HS6ST3: variants seen among roughly 807,000 people sequenced by gnomAD.
HS6ST3 encodes heparan sulfate 6-O-sulfotransferase 3.
HS6ST3 carries 12 observed loss-of-function variants against 36.7 expected under a neutral mutation model. The observed-to-expected ratio is 0.33, with a 90% confidence interval of 0.21 to 0.53. The LOEUF (loss-of-function observed/expected upper bound fraction) is 0.53, where lower values mean the gene tolerates loss of function less well. HS6ST3 is among the 20% of genes least tolerant of loss of function. The pLI, the probability that HS6ST3 is intolerant of heterozygous loss-of-function variation, is 0.95. For synonymous variants in HS6ST3, 240 were observed against 257.5 expected (o/e 0.93, Z 0.65); for missense variants, 584 against 640.9 (o/e 0.91, Z 0.96).
chr13:96,629,058 T>C (rs529195482), intron 1 of HS6ST3, among the ~76,000 whole-genome samples: 6 of 152,300 alleles, frequency 3.9e-5, no homozygotes, highest in South Asian at 2.1e-4. Flanking sequence ...ATTTCATCTG[T>C]GTACTTGTTT....
At chr13:96,794,666 A>G (rs1028522946) in intron 1 of HS6ST3, among the ~76,000 whole-genome samples, 3 of 152,008 alleles carry the variant, frequency 2.0e-5, no homozygotes, top group African/African-American at 7.2e-5. Context: ...GATTTCTGAT[A>G]TGAACTTGAA....
At chr13:96,757,001 T>A (rs900584042) in intron 1 of HS6ST3, among the ~76,000 whole-genome samples, 2 of 152,214 alleles carry the variant, frequency 1.3e-5, no homozygotes, top group African/African-American at 4.8e-5. Flanking sequence ...TCTCCCAAGG[T>A]GACAAGGTCT....
At chr13:96,784,933 C>T (rs1877610256) in intron 1 of HS6ST3, among the ~76,000 whole-genome samples, 1 of 152,148 alleles carries the variant, frequency 6.6e-6, no homozygotes, top group Non-Finnish European at 1.5e-5. Flanking sequence ...TTTGGAAGGC[C>T]AAGGCAGGCA....
At chr13:96,208,205 A>T (rs1300133861) in intron 1 of HS6ST3, among the ~76,000 whole-genome samples, 1 of 152,178 alleles carries the variant, frequency 6.6e-6, no homozygotes, top group Non-Finnish European at 1.5e-5. Context: ...CTCAGTCATG[A>T]TCAATATATT....
intron 1 of HS6ST3, among the ~76,000 whole-genome samples, chr13:96,403,789 T>TGAC (rs1490317810): frequency 6.6e-6 from 1 of 152,188 alleles, no homozygotes; most frequent in African/African-American, 2.4e-5. Flanking sequence ...ATTACAGTAG[T>TGAC]GACAGCTAAG....
At chr13:96,310,828 CT>C (rs1283486992) in intron 1 of HS6ST3, among the ~76,000 whole-genome samples, 1 of 152,152 alleles carries the variant, frequency 6.6e-6, no homozygotes, top group East Asian at 1.9e-4. Flanking sequence ...ATTCATTTAA[CT>C]ACAGTTCACC....
chr13:96,362,692 A>G (rs1206199918), intron 1 of HS6ST3, among the ~76,000 whole-genome samples: 1 of 152,134 alleles, frequency 6.6e-6, no homozygotes, highest in African/African-American at 2.4e-5. Context: ...TCATGCAAAA[A>G]CCTGCACATG....
At chr13:96,789,514 C>T (rs1476306221) in intron 1 of HS6ST3, among the ~76,000 whole-genome samples, 1 of 151,856 alleles carries the variant, frequency 6.6e-6, no homozygotes, top group Non-Finnish European at 1.5e-5. Context: ...TTCTGTTGCT[C>T]TTCCTTCATT....
At chr13:96,548,193 G>A (rs1056814317) in intron 1 of HS6ST3, among the ~76,000 whole-genome samples, 1 of 152,038 alleles carries the variant, frequency 6.6e-6, no homozygotes, top group African/African-American at 2.4e-5. Flanking sequence ...TTCATATAGA[G>A]GAACTCCATC....
intron 1 of HS6ST3, among the ~76,000 whole-genome samples, chr13:96,720,424 A>G (rs1358690224): frequency 6.6e-6 from 1 of 152,150 alleles, no homozygotes; most frequent in Non-Finnish European, 1.5e-5. Flanking sequence ...CCTGAGATTC[A>G]TATTCATTCT....
Position 96,434,743 on chromosome 13 carries a change from T to C in HS6ST3, c.707+343174T>C, listed in dbSNP as rs115762549. Reference sequence around the variant, plus strand: ...CTAGATGAGATTATCTTTATCTTGATTGCTTTTATGACAACTAAACATTCT... The same window carrying C: ...CTAGATGAGATTATCTTTATCTTGACTGCTTTTATGACAACTAAACATTCT... On this transcript the variant is annotated intron_variant, in intron 1 of 1. Transcript: ENST00000376705. Among the ~76,000 whole-genome samples the C allele has an allele frequency of 2.3e-3, 345 of 152,254 alleles. 2 individuals are homozygous for C. The highest frequency in any genetic ancestry group is 8.0e-3 in the African/African-American group (333 of 41,542).
intron 1 of HS6ST3, among the ~76,000 whole-genome samples, chr13:96,570,264 C>T (rs543833601): frequency 1.3e-5 from 2 of 152,308 alleles, no homozygotes; most frequent in East Asian, 3.9e-4. Context: ...TTGGGGCCTA[C>T]ATTTTTATAC....
chr13:96,298,354 A>G (rs2054865549), intron 1 of HS6ST3, among the ~76,000 whole-genome samples: 2 of 152,232 alleles, frequency 1.3e-5, no homozygotes, highest in Admixed American at 1.3e-4. Context: ...GATGGGAGGA[A>G]GGAAATGGTG....
At chr13:96,351,344 C>G (rs1246911169) in intron 1 of HS6ST3, among the ~76,000 whole-genome samples, 4 of 107,890 alleles carry the variant, frequency 3.7e-5, no homozygotes, top group African/African-American at 1.8e-4. Context: ...TTAAAAAAAA[C>G]AAGGTCTTGC....
chr13:96,211,405 C>T (rs955292674), intron 1 of HS6ST3, among the ~76,000 whole-genome samples: 6 of 152,158 alleles, frequency 3.9e-5, no homozygotes, highest in African/African-American at 7.2e-5. Flanking sequence ...CACTGGTGTG[C>T]ACCCCAGTGA....
intron 1 of HS6ST3, among the ~76,000 whole-genome samples, chr13:96,119,145 A>G (rs184653513): frequency 7.8e-4 from 119 of 152,320 alleles, no homozygotes; most frequent in Non-Finnish European, 1.1e-3. Flanking sequence ...CTTTATAGTA[A>G]TAAGAGTTTA....
At chr13:96,167,222 A>G (rs556544336) in intron 1 of HS6ST3, among the ~76,000 whole-genome samples, 34 of 152,270 alleles carry the variant, frequency 2.2e-4, no homozygotes, top group African/African-American at 7.7e-4. Context: ...ATTTTCATGC[A>G]TATCTTACAG....
At chr13:96,798,742 ATG>A in intron 1 of HS6ST3, among the ~76,000 whole-genome samples, 1 of 151,836 alleles carries the variant, frequency 6.6e-6, no homozygotes, top group African/African-American at 2.4e-5. Flanking sequence ...GTGTGTCTCC[ATG>A]TGTGTGTAAT....
chr13:96,384,498 T>C lies in HS6ST3; in HGVS notation c.707+292929T>C, dbSNP rs890812063. 5.5e-4 allele frequency among the ~76,000 whole-genome samples: 84 copies of C among 152,174 alleles called. 5 individuals are homozygous for C. Among genetic ancestry groups the C allele is most frequent in the Admixed American group, 5.2e-3 (79 of 15,276 alleles). On this transcript the variant is annotated intron_variant, in intron 1 of 1. Coordinates refer to ENST00000376705, the MANE Select transcript of HS6ST3 (RefSeq NM_153456.4). ...GTTTGCCAATGAGAGTTTTTTTCTA[T>C]TGCTAATAAGTGTCCATTGCTGTGG... is the stretch of plus-strand genomic sequence containing the variant.
Sources: allele counts gnomAD v4.1 joint callset (sites outside exome capture counted in the v4.1 genomes callset), GRCh38; gene constraint gnomAD v4.1.1; transcripts MANE v1.5; gene names NCBI Gene and HGNC (gene_info 2026-07-23, HGNC 2026-07-21).